Variants in ITPR3 observed in about 807,000 individuals in gnomAD.
The protein encoded by ITPR3 is inositol 1,4,5-trisphosphate-gated calcium channel ITPR3.
Under a neutral mutation model 293.2 loss-of-function variants are expected in ITPR3, and 173 were observed. The observed-to-expected ratio is 0.59, with a 90% CI of 0.52 to 0.67. The LOEUF is 0.67. Among genes scored for constraint, ITPR3 ranks in the 30% least tolerant of loss-of-function variants. The pLI, the probability that ITPR3 is intolerant of heterozygous loss-of-function variation, is 0.00. For synonymous variants in ITPR3, 1,295 were observed against 1,444.4 expected, an observed-to-expected ratio of 0.90 and a Z score of 2.35; for missense variants, 2,796 against 3,592.1, an observed-to-expected ratio of 0.78 and a Z score of 5.66.
rs776571528 is a variant in ITPR3 at position 33,684,025 on chromosome 6, C to T, written c.4794C>T (p.Ile1598=). The T allele has an allele frequency of 2.5e-6, 4 of 1,604,840 alleles. No individual in the cohort carries two copies. The highest frequency in any genetic ancestry group is 1.7e-5 in the Admixed American group (1 of 59,730). Residue 1598 remains isoleucine, a synonymous_variant, in exon 36 of 58, where the codon ATC becomes ATT. Coordinates refer to ENST00000605930, the MANE Select transcript of ITPR3 (RefSeq NM_002224.4). This position sits in a 1 kb window ranked among gnomAD's most constrained non-coding sequence, Gnocchi z 4.2. ...CTCTGCCCTGCCCACCCCAGGACAT[C>T]ATCACAGCCCTGGAGGAGCGGCTGA... ...YKNIIEKLQD[I]ITALEERLKP...
chr6:33,643,013 A>C (rs752390054), intron 2 of ITPR3, among the ~76,000 whole-genome samples: 15 of 152,172 alleles, frequency 9.9e-5, no homozygotes, highest in Non-Finnish European at 2.1e-4. Context: ...GTGGGATGAG[A>C]GACATGGACT....
At chr6:33,636,005 G>A (rs572508641) in intron 1 of ITPR3, among the ~76,000 whole-genome samples, 94 of 151,878 alleles carry the variant, frequency 6.2e-4, no homozygotes, top group African/African-American at 2.2e-3. Flanking sequence ...GGGATCCCCT[G>A]GCCGGGTTCG....
rs1397634333 is a variant in ITPR3 at position 33,633,980 on chromosome 6, C to T, written c.90-6504C>T. On this transcript the variant is annotated intron_variant, in intron 1 of 57. Coordinates refer to ENST00000605930, the MANE Select transcript of ITPR3 (RefSeq NM_002224.4). The surrounding 1 kb of genome is among the most constrained non-coding windows in gnomAD (Gnocchi z 5.2). ...CGGTGAGGCTCCCTCTCCATGCAAA[C>T]TTGCCTAACTTGTGTCCCGGCCCTC... Among the ~76,000 whole-genome samples the T allele has an allele frequency of 6.6e-6, 1 of 152,122 alleles. No individual in the cohort carries two copies. Among genetic ancestry groups the T allele is most frequent in the Non-Finnish European group, 1.5e-5 (1 of 67,994 alleles).
At position 33,663,494 on chromosome 6, in the gene ITPR3, G is replaced by C. The variant is rs747878634; in HGVS notation, c.955-6G>C. 6.2e-6 allele frequency: 10 copies of C among 1,603,368 alleles called. No individual in the cohort carries two copies. In the African/African-American group the frequency reaches 1.2e-4, roughly 19 times the overall value. ...TAGCTCCCCCACATCTTGTATCTCT[G>C]TCCAGGAGAACCCCAGTTACAAAGG... On this transcript the variant is annotated splice_region_variant and splice_polypyrimidine_tract_variant and intron_variant, in intron 9 of 57. Coordinates refer to ENST00000605930, the MANE Select transcript of ITPR3 (RefSeq NM_002224.4).
chr6:33,671,498 T>A (rs1170648075), intron 21 of ITPR3, among the ~76,000 whole-genome samples, 192 bp downstream of exon 21: 1 of 152,184 alleles, frequency 6.6e-6, no homozygotes, highest in Non-Finnish European at 1.5e-5. Context: ...CCGGACTCCC[T>A]GGAGACCCCG....
Position 33,652,458 on chromosome 6 carries a change from T to C in ITPR3, c.161-3308T>C, listed in dbSNP as rs563372837. 8.5e-5 allele frequency among the ~76,000 whole-genome samples: 13 copies of C among 152,258 alleles called. No homozygotes were observed. The East Asian group carries it at 1.3e-3, about 16-fold the overall frequency. On this transcript the variant is annotated intron_variant, in intron 2 of 57. Coordinates refer to ENST00000605930, the MANE Select transcript of ITPR3 (RefSeq NM_002224.4). ...AAATAATATAATCTATCCATATCCA[T>C]ATTTTTATTTTTTATTTTTTGGGAC...
At chr6:33,669,292 G>A in intron 18 of ITPR3, 136 bp downstream of exon 18, 1 of 853,454 alleles carries the variant, frequency 1.2e-6, no homozygotes, top group Non-Finnish European at 1.8e-6. Flanking sequence ...CGGAGTCCCT[G>A]CTGTCACTCC....
chr6:33,651,037 G>A (rs1184468609), intron 2 of ITPR3, among the ~76,000 whole-genome samples: 2 of 152,068 alleles, frequency 1.3e-5, no homozygotes, highest in African/African-American at 2.4e-5. Flanking sequence ...AGCACTTTGG[G>A]AGGCCGAGAC....
rs142075453 is a variant in ITPR3 at position 33,668,567 on chromosome 6, G to C, written c.1939G>C (p.Val647Leu). 6.2e-7 allele frequency: 1 copy of C among 1,614,156 alleles called. No individual in the cohort carries two copies. ...LCVSNHIAIP[V>L]TQELICKCVL... ...TGTGTCCAACCACATCGCCATCCCC[G>C]TCACCCAAGAGCTCATCTGCAAGTG... is the stretch of plus-strand genomic sequence containing the variant. The change falls in exon 17 of 58, where the codon GTC becomes CTC. Residue 647 changes from valine (V) to leucine (L), a missense_variant. Physicochemically the swap from Val to Leu is conservative, Grantham distance 32. Transcript: ENST00000605930.
In ITPR3 at chr6:33,682,599, C is replaced by T; in HGVS notation, c.4552C>T (p.His1518Tyr). The stretch of plus-strand genomic sequence containing the variant: ...CGAGTGTCCGTGGCTACAGCAGCAG[C>T]ACAAGGGCTCCGTGGAGGCCTGCAT... ...LLECPWLQQQ[H>Y]KGSVEACIRT... is the part of the protein sequence containing the mutation. The change falls in exon 34 of 58, where the codon CAC (histidine) becomes TAC (tyrosine). Residue 1518 changes from histidine to tyrosine, a missense_variant. Physicochemically the swap from His to Tyr is moderately conservative, Grantham distance 83. Around this residue, in one of 8 missense-constraint regions of ITPR3, gnomAD observed 704 missense variants for 797.5 expected, o/e 0.88. Transcript: ENST00000605930. This position sits in a 1 kb window ranked among gnomAD's most constrained non-coding sequence, Gnocchi z 5.4. 2.5e-6 allele frequency: 4 copies of T among 1,597,232 alleles called. No homozygotes were observed. The highest frequency in any genetic ancestry group is 3.4e-6 in the Non-Finnish European group (4 of 1,172,738).
intron 16 of ITPR3, 39 bp from the exon 17 acceptor site, chr6:33,668,476 C>CA (rs1274960640): frequency 1.2e-6 from 2 of 1,613,722 alleles, no homozygotes; most frequent in Middle Eastern, 1.7e-4. Flanking sequence ...GGACCAGCCT[C>CA]TGAGACCCTC....
intron 49 of ITPR3, among the ~76,000 whole-genome samples, 159 bp from the exon 50 acceptor site, chr6:33,689,079 G>T (rs1765319383): frequency 6.6e-6 from 1 of 152,232 alleles, no homozygotes; most frequent in Non-Finnish European, 1.5e-5. Flanking sequence ...CTCCCGCTTA[G>T]GCCTGAGAGG....
Position 33,667,596 on chromosome 6 carries a change from T to C in ITPR3, c.1714-196T>C, listed in dbSNP as rs1308284147. 6.6e-6 allele frequency among the ~76,000 whole-genome samples: 1 copy of C among 152,158 alleles called. No individual in the cohort carries two copies. The highest frequency in any genetic ancestry group is 1.5e-5 in the Non-Finnish European group (1 of 68,026). On this transcript the variant is annotated intron_variant, in intron 15 of 57. Transcript: ENST00000605930. The surrounding 1 kb of genome is among the most constrained non-coding windows in gnomAD (Gnocchi z 4.4). Reference sequence around the variant, plus strand: ...TGCCCTCGTGGAGGTTTCGCTCTGGTGGGAAACAGCCCACAAGCTAAATAA... The same window carrying C: ...TGCCCTCGTGGAGGTTTCGCTCTGGCGGGAAACAGCCCACAAGCTAAATAA...
Position 33,663,451 on chromosome 6 carries a change from GTA to G in ITPR3, c.955-46_955-45del, listed in dbSNP as rs373724467. The G allele has an allele frequency of 1.3e-3, 1,971 of 1,553,450 alleles. 16 individuals carry two copies. The African/African-American group carries it at 0.019, about 15-fold the overall frequency. On this transcript the variant is annotated intron_variant, in intron 9 of 57. Coordinates refer to ENST00000605930, the MANE Select transcript of ITPR3 (RefSeq NM_002224.4). ...CCATGTTTTGCAGTGGGTCGTGTGG[GTA>G]TAGTTTGGTGTCCAGTAGCTCCCCC... is the stretch of plus-strand genomic sequence containing the variant.
rs1803831 is a variant in ITPR3, at chr6:33,673,602, T to C, written c.2940T>C (p.Asn980=). Residue 980 remains asparagine (N), a synonymous_variant, in exon 23 of 58, where the codon AAT becomes AAC. Transcript: ENST00000605930. ...KILEILQFIL[N]VRLDYRISYL... ...CCTCTCTTCTCCAGTTCATCCTCAA[T>C]GTCCGCCTGGATTACCGCATATCCT... is the stretch of plus-strand genomic sequence containing the variant. 851,188 of 1,613,598 alleles carry C rather than the reference T, an allele frequency of 0.53. 227,494 individuals carry two copies. Among genetic ancestry groups the C allele is most frequent in the South Asian group, 0.6 (55,007 of 91,074 alleles).
chr6:33,695,419 C>T, intron 57 of ITPR3: 1 of 563,964 alleles, frequency 1.8e-6, no homozygotes, highest in Non-Finnish European at 3.2e-6. Flanking sequence ...GCCCTCTTGC[C>T]TAGACATCCT....
rs780086266 is a variant in ITPR3 at position 33,686,261 on chromosome 6, G to T, written c.5868+8G>T. The T allele has an allele frequency of 2.5e-6, 4 of 1,612,198 alleles. No individual in the cohort carries two copies. The highest frequency in any genetic ancestry group is 3.3e-5 in the Admixed American group (2 of 59,890). On this transcript the variant is annotated splice_region_variant and intron_variant, in intron 42 of 57. Transcript: ENST00000605930. Reference sequence around the variant, plus strand: ...CCCTGCCATGAGAACCAGGTGAGCTGTCCTGGTGGCATAAGTGGCAGCCAG... The same window carrying T: ...CCCTGCCATGAGAACCAGGTGAGCTTTCCTGGTGGCATAAGTGGCAGCCAG...
At chr6:33,686,328 C>T in intron 42 of ITPR3, 75 bp downstream of exon 42, 2 of 1,594,078 alleles carry the variant, frequency 1.3e-6, no homozygotes, top group Admixed American at 1.7e-5. Context: ...CCAGCTGGGG[C>T]AGGGAGAGAG....
chr6:33,685,410 A>G lies in ITPR3; in HGVS notation c.5359A>G (p.Lys1787Glu). Residue 1787 changes from lysine to glutamate, a missense_variant, in exon 40 of 58, where the codon AAG (lysine) becomes GAG (glutamate). Lys to Glu is a moderately conservative substitution (Grantham distance 56, BLOSUM62 1). Around this residue, in one of 8 missense-constraint regions of ITPR3, gnomAD observed 704 missense variants for 797.5 expected, o/e 0.88. Transcript: ENST00000605930. The part of the protein sequence containing the change: ...MSDKKSERFF[K>E]VLHDRMKRAQ... ...TGACAAGAAGTCAGAGCGCTTCTTC[A>G]AGGTGCTGCACGACCGCATGAAGCG... 1 of 1,614,066 alleles carries G rather than the reference A, an allele frequency of 6.2e-7. No homozygotes were observed. Among genetic ancestry groups the G allele is most frequent in the South Asian group, 1.1e-5 (1 of 91,088 alleles).
Sources: allele counts gnomAD v4.1 joint callset (sites outside exome capture counted in the v4.1 genomes callset), GRCh38; gene constraint gnomAD v4.1.1; regional missense constraint gnomAD v4.1.1; non-coding constraint Gnocchi (gnomAD v3.1); transcripts MANE v1.5; gene names NCBI Gene and HGNC (gene_info 2026-07-23, HGNC 2026-07-21).